Variants in NKAIN2 observed in about 807,000 individuals in gnomAD.
NKAIN2 encodes the protein sodium/potassium-transporting ATPase subunit beta-1-interacting protein 2.
A neutral mutation model predicts 32.6 loss-of-function variants in NKAIN2; 14 were observed. That is an observed-to-expected ratio of 0.43 (90% CI 0.28 to 0.67). The LOEUF is 0.67. Among genes scored for constraint, NKAIN2 ranks in the 30% least tolerant of loss-of-function variants. The pLI is 0.17. For missense variants in NKAIN2, 198 were observed against 258.3 expected, an observed-to-expected ratio of 0.77 and a Z score of 1.60; for synonymous variants, 80 against 87.2, an observed-to-expected ratio of 0.92 and a Z score of 0.46.
At chr6:123,882,840 A>G (rs556684291) in intron 1 of NKAIN2, among the ~76,000 whole-genome samples, 6 of 152,312 alleles carry the variant, frequency 3.9e-5, no homozygotes, top group South Asian at 2.1e-4. Flanking sequence ...ACAAAACAAA[A>G]CAAAATATGT....
Position 124,355,302 on chromosome 6 carries a change from T to C in NKAIN2, c.228T>C (p.Asn76=), listed in dbSNP as rs750933188. 1.2e-6 allele frequency: 2 copies of C among 1,611,272 alleles called. No homozygotes were observed. ...AVWLVLWVTW[N]VFVICFYLEA... ...GGCTAGTCCTCTGGGTTACGTGGAA[T>C]GTGTTTGTTATCTGCTTCTATTTGG... The change falls in exon 3 of 7, where the codon AAT becomes AAC. Residue 76 remains asparagine (N), a synonymous_variant. Transcript: ENST00000368417.
chr6:124,663,229 A>G (rs1195679350), intron 4 of NKAIN2, among the ~76,000 whole-genome samples: 1 of 152,096 alleles, frequency 6.6e-6, no homozygotes, highest in East Asian at 1.9e-4. Flanking sequence ...GTTCGAGACC[A>G]GCCTGATCAA....
chr6:124,204,561 T>C (rs139769820), intron 1 of NKAIN2, among the ~76,000 whole-genome samples: 314 of 151,960 alleles, frequency 2.1e-3, no homozygotes, highest in African/African-American at 7.1e-3. Flanking sequence ...TTTGATTTAT[T>C]TGGACGGTTA....
In NKAIN2 at chr6:124,753,497, C is replaced by T. The variant is rs971793663; in HGVS notation, c.475-37842C>T. ...TTTTCATACTCATATTACCAGTTCA[C>T]CTGGAGAAAAATGGCTTATTATATA... On this transcript the variant is annotated intron_variant, in intron 4 of 6. Transcript: ENST00000368417. 5.3e-5 allele frequency among the ~76,000 whole-genome samples: 8 copies of T among 152,158 alleles called. No homozygotes were observed. The Middle Eastern group carries it at 0.01, about 194-fold the overall frequency.
chr6:123,823,716 G>A (rs1482452205), intron 1 of NKAIN2, among the ~76,000 whole-genome samples: 1 of 152,044 alleles, frequency 6.6e-6, no homozygotes, highest in Non-Finnish European at 1.5e-5. Context: ...GAGAAAAGAA[G>A]TAATTTGAGT....
At chr6:124,405,655 T>C (rs1773823646) in intron 3 of NKAIN2, among the ~76,000 whole-genome samples, 1 of 151,884 alleles carries the variant, frequency 6.6e-6, no homozygotes, top group African/African-American at 2.4e-5. Flanking sequence ...GCTGGAACTA[T>C]AGGCGTGAGC....
chr6:124,372,267 T>TA (rs1365566872), intron 3 of NKAIN2, among the ~76,000 whole-genome samples: 2 of 152,178 alleles, frequency 1.3e-5, no homozygotes, highest in Non-Finnish European at 2.9e-5. Flanking sequence ...AATTTCAAGT[T>TA]ACATTCTCCC....
intron 4 of NKAIN2, among the ~76,000 whole-genome samples, chr6:124,751,246 G>A (rs901863917): frequency 1.3e-5 from 2 of 152,056 alleles, no homozygotes; most frequent in African/African-American, 4.8e-5. Context: ...TCAGAGAATG[G>A]TCTCTGGGTC....
intron 1 of NKAIN2, among the ~76,000 whole-genome samples, chr6:123,887,026 A>G (rs910524466): frequency 1.3e-4 from 20 of 152,176 alleles, no homozygotes; most frequent in African/African-American, 4.8e-4. Context: ...TCTGTGTATT[A>G]TAGAAGCCAG....
chr6:124,722,277 A>G (rs747940310), intron 4 of NKAIN2, among the ~76,000 whole-genome samples: 2 of 152,224 alleles, frequency 1.3e-5, no homozygotes, highest in Non-Finnish European at 2.9e-5. Context: ...TTCTATGAAC[A>G]TGGGTTCAAA....
At chr6:124,673,358 C>T (rs1773197970) in intron 4 of NKAIN2, among the ~76,000 whole-genome samples, 1 of 152,078 alleles carries the variant, frequency 6.6e-6, no homozygotes, top group South Asian at 2.1e-4. Context: ...CATGGGAATG[C>T]AGATGTTCGT....
At chr6:124,474,811 A>G (rs1427986987) in intron 3 of NKAIN2, among the ~76,000 whole-genome samples, 1 of 112,932 alleles carries the variant, frequency 8.9e-6, no homozygotes, top group Non-Finnish European at 2.1e-5. Flanking sequence ...CACACATATT[A>G]GATATATACA....
intron 1 of NKAIN2, among the ~76,000 whole-genome samples, chr6:123,891,164 G>C (rs1197552893): frequency 6.6e-6 from 1 of 152,112 alleles, no homozygotes. Flanking sequence ...ACAGAAAATA[G>C]AATGGAGGTT....
intron 3 of NKAIN2, among the ~76,000 whole-genome samples, chr6:124,533,022 A>G (rs984823862): frequency 1.1e-4 from 16 of 152,118 alleles, no homozygotes; most frequent in African/African-American, 3.9e-4. Flanking sequence ...GTCTGAGTGC[A>G]TCTCCAATTT....
intron 3 of NKAIN2, among the ~76,000 whole-genome samples, chr6:124,535,303 T>A (rs1225165093): frequency 6.6e-6 from 1 of 152,224 alleles, no homozygotes; most frequent in African/African-American, 2.4e-5. Flanking sequence ...CACAAGAGGC[T>A]TTGAGAAAAA....
At chr6:124,765,226 C>A (rs1393875782) in intron 4 of NKAIN2, among the ~76,000 whole-genome samples, 2 of 152,174 alleles carry the variant, frequency 1.3e-5, no homozygotes, top group African/African-American at 4.8e-5. Flanking sequence ...GCAGTGGAAG[C>A]ACCTGCTTCT....
chr6:124,223,329 G>A (rs1284571397), intron 1 of NKAIN2, among the ~76,000 whole-genome samples: 1 of 151,318 alleles, frequency 6.6e-6, no homozygotes, highest in East Asian at 1.9e-4. Flanking sequence ...AATAAGGCAT[G>A]TTTGTATGCT....
At position 123,897,194 on chromosome 6, in the gene NKAIN2, C is replaced by T. The variant is rs188034774; in HGVS notation, c.54+92940C>T. On this transcript the variant is annotated intron_variant, in intron 1 of 6. Coordinates refer to ENST00000368417, the MANE Select transcript of NKAIN2 (RefSeq NM_001040214.3). ...TCATATCACTTTCTTGCTCTTAATT[C>T]TTCAGTGATCCCCATAGCCAAAAGC... Among the ~76,000 whole-genome samples, 127 of 152,236 alleles carry T rather than the reference C, an allele frequency of 8.3e-4. 1 individual carries two copies. Among genetic ancestry groups the T allele is most frequent in the Non-Finnish European group, 1.3e-3 (91 of 68,018 alleles).
intron 3 of NKAIN2, among the ~76,000 whole-genome samples, chr6:124,400,315 GAGATAAGTGTC>G (rs1459100582): frequency 6.6e-6 from 1 of 152,120 alleles, no homozygotes; most frequent in Non-Finnish European, 1.5e-5. Context: ...ACCACTGAGA[GAGATAAGTGTC>G]AGCACTTCAG....
Sources: allele counts gnomAD v4.1 joint callset (sites outside exome capture counted in the v4.1 genomes callset), GRCh38; gene constraint gnomAD v4.1.1; transcripts MANE v1.5; gene names NCBI Gene and HGNC (gene_info 2026-07-23, HGNC 2026-07-21).